The following PEX3 variants were observed in gnomAD, a reference collection of about 807,000 sequenced individuals.
PEX3 encodes the protein peroxin-3.
In PEX3, 30 loss-of-function variants were observed where a neutral mutation model predicts 55.8. That is an observed-to-expected ratio of 0.54 (90% confidence interval 0.40 to 0.73). The LOEUF (loss-of-function observed/expected upper bound fraction) is 0.73. Ranked by LOEUF, PEX3 falls within the 30% of genes least tolerant of loss-of-function variation. The pLI, the probability that PEX3 is intolerant of heterozygous loss-of-function variation, is 0.00. For synonymous variants in PEX3, 135 were observed against 148.4 expected, an observed-to-expected ratio of 0.91 and a Z score of 0.66; for missense variants, 351 against 432.8, an observed-to-expected ratio of 0.81 and a Z score of 1.68.
intron 4 of PEX3, among the ~76,000 whole-genome samples, chr6:143,470,010 T>C (rs1000259802): frequency 1.3e-5 from 2 of 152,072 alleles, no homozygotes; most frequent in African/African-American, 4.8e-5. Flanking sequence ...AGTGCAGTGG[T>C]GCAATCTTGG....
Position 143,462,694 on chromosome 6 carries a change from A to G in PEX3, c.206-222A>G, listed in dbSNP as rs1779938933. Among the ~76,000 whole-genome samples the G allele has an allele frequency of 6.6e-6, 1 of 152,212 alleles. No homozygotes were observed. The highest frequency in any genetic ancestry group is 1.5e-5 in the Non-Finnish European group (1 of 68,022). On this transcript the variant is annotated intron_variant, in intron 2 of 11. Transcript: ENST00000367591. The surrounding 1 kb of genome is among the most constrained non-coding windows in gnomAD (Gnocchi z 4.1). The stretch of plus-strand genomic sequence containing the variant: ...TGTGTACTTGTGTTGCTGTGATCAT[A>G]ATGTTTATATAATTTTGTTAAATTA...
At position 143,485,356 on chromosome 6, in the gene PEX3, A is replaced by C; in HGVS notation, c.1038+108A>C. 2.7e-6 allele frequency: 2 copies of C among 750,642 alleles called. No individual in the cohort carries two copies. Among genetic ancestry groups the C allele is most frequent in the Non-Finnish European group, 4.9e-6 (2 of 411,280 alleles). 46.5% of individuals were successfully genotyped at this position (750,642 alleles called of 1,614,324 possible). ...CTCTGCTGAGAGGTTTTTTCAAAAA[A>C]TCACAGAACTTGGAACTACATGTAG... On this transcript the variant is annotated intron_variant, in intron 11 of 11. Coordinates refer to ENST00000367591, the MANE Select transcript of PEX3 (RefSeq NM_003630.3). This position sits in a 1 kb window ranked among gnomAD's most constrained non-coding sequence, Gnocchi z 5.6.
chr6:143,468,076 G>C, intron 3 of PEX3, 46 bp from the exon 4 acceptor site: 1 of 1,000,074 alleles, frequency 1.0e-6, no homozygotes, highest in Non-Finnish European at 1.5e-6. Flanking sequence ...TTTTCTATTA[G>C]ATTATCTAGA....
At chr6:143,473,502 T>G (rs922376424) in intron 8 of PEX3, among the ~76,000 whole-genome samples, 3 of 152,112 alleles carry the variant, frequency 2.0e-5, no homozygotes, top group Non-Finnish European at 4.4e-5. Flanking sequence ...CAGATCTTAC[T>G]GAACTGAATT....
At chr6:143,461,400 A>G (rs2128745705) in intron 2 of PEX3, among the ~76,000 whole-genome samples, 1 of 152,326 alleles carries the variant, frequency 6.6e-6, no homozygotes, top group South Asian at 2.1e-4. Context: ...AGCTGACTAT[A>G]GGCAATTAAA....
chr6:143,488,330 A>G lies in PEX3; in HGVS notation c.1039-813A>G, dbSNP rs1780345545. On this transcript the variant is annotated intron_variant, in intron 11 of 11. Coordinates refer to ENST00000367591, the MANE Select transcript of PEX3 (RefSeq NM_003630.3). The surrounding 1 kb of genome is among the most constrained non-coding windows in gnomAD (Gnocchi z 4.9). ...TGGACCCCTTCTCAGAACAATATTT[A>G]TAAGTGCATACAATAAAATACATAA... Among the ~76,000 whole-genome samples, 1 of 152,146 alleles carries G rather than the reference A, an allele frequency of 6.6e-6. No individual in the cohort carries two copies.
chr6:143,477,218 C>G (rs1325480016), intron 9 of PEX3, among the ~76,000 whole-genome samples: 2 of 152,066 alleles, frequency 1.3e-5, no homozygotes, highest in Non-Finnish European at 2.9e-5. Flanking sequence ...TTGAGAGATT[C>G]TGAGAAATAG....
At position 143,479,136 on chromosome 6, in the gene PEX3, C is replaced by T. The variant is rs1269033993; in HGVS notation, c.879C>T (p.Asp293=). 2 of 1,595,772 alleles carry T rather than the reference C, an allele frequency of 1.3e-6. No individual in the cohort carries two copies. The highest frequency in any genetic ancestry group is 1.7e-6 in the Non-Finnish European group (2 of 1,163,620). Residue 293 remains aspartate (D), a synonymous_variant, in exon 10 of 12, where the codon GAC becomes GAT. Coordinates refer to ENST00000367591, the MANE Select transcript of PEX3 (RefSeq NM_003630.3). This position sits in a 1 kb window ranked among gnomAD's most constrained non-coding sequence, Gnocchi z 4.6. ...ACCGAGGTTTTAGTAGACTTCTAGA[C>T]AATATGGCTGAGTTCTTTCGACCTA... ...CLNRGFSRLL[D]NMAEFFRPTE...
In PEX3 at chr6:143,485,097, T is replaced by A; in HGVS notation, c.942-55T>A. 1 of 947,916 alleles carries A rather than the reference T, an allele frequency of 1.1e-6. No individual in the cohort carries two copies. 58.7% of individuals were successfully genotyped at this position (947,916 alleles called of 1,614,324 possible). A position where few individuals can be genotyped will look rare whatever the true frequency, so the allele number is the denominator to read the frequency against. ...ATGTATTACTTTTATAATTAAGATG[T>A]TAAAGTCCTGTGGGGTCATTTCAGA... On this transcript the variant is annotated intron_variant, in intron 10 of 11. Coordinates refer to ENST00000367591, the MANE Select transcript of PEX3 (RefSeq NM_003630.3). The surrounding 1 kb of genome is among the most constrained non-coding windows in gnomAD (Gnocchi z 5.6).
In PEX3 at chr6:143,464,517, A is replaced by G. The variant is rs1779966210; in HGVS notation, c.287+1520A>G. On this transcript the variant is annotated intron_variant, in intron 3 of 11. Coordinates refer to ENST00000367591, the MANE Select transcript of PEX3 (RefSeq NM_003630.3). The surrounding 1 kb of genome is among the most constrained non-coding windows in gnomAD (Gnocchi z 5.8). ...AAAAAACCAAAGGATTAATTTTGAT[A>G]GATTATCCTGGACAGCTTTAAAGAA... is the stretch of plus-strand genomic sequence containing the variant. Among the ~76,000 whole-genome samples the G allele has an allele frequency of 6.6e-6, 1 of 152,048 alleles. No individual in the cohort carries two copies. Among genetic ancestry groups the G allele is most frequent in the African/African-American group, 2.4e-5 (1 of 41,452 alleles).
Position 143,451,416 on chromosome 6 carries a change from C to T in PEX3, c.73+301C>T, listed in dbSNP as rs1006473339. Reference sequence around the variant, plus strand: ...AGTTTCTGTTTCAAGGCACCATTCTCTTACAGGAACTTTTTAAAAAAAATT... The same window carrying T: ...AGTTTCTGTTTCAAGGCACCATTCTTTTACAGGAACTTTTTAAAAAAAATT... On this transcript the variant is annotated intron_variant, in intron 1 of 11. Transcript: ENST00000367591. The surrounding 1 kb of genome is among the most constrained non-coding windows in gnomAD (Gnocchi z 4.1). 3.7e-4 allele frequency among the ~76,000 whole-genome samples: 57 copies of T among 152,146 alleles called. No individual in the cohort carries two copies. The highest frequency in any genetic ancestry group is 1.3e-3 in the African/African-American group (54 of 41,428).
chr6:143,463,099 G>C lies in PEX3; in HGVS notation c.287+102G>C, dbSNP rs1779947287. The C allele has an allele frequency of 1.2e-6, 1 of 843,768 alleles. No homozygotes were observed. The highest frequency in any genetic ancestry group is 1.7e-5 in the African/African-American group (1 of 59,058). The allele number at this position is 843,768 out of a possible 1,614,324, so 52.3% of individuals were successfully genotyped here. A position where few individuals can be genotyped will look rare whatever the true frequency, so the allele number is the denominator to read the frequency against. On this transcript the variant is annotated intron_variant, in intron 3 of 11. Coordinates refer to ENST00000367591, the MANE Select transcript of PEX3 (RefSeq NM_003630.3). The surrounding 1 kb of genome is among the most constrained non-coding windows in gnomAD (Gnocchi z 5.7). ...AATCTTTGTTATTTTTCTATCTAAT[G>C]AAAGTTTATATAGGCTCAGTAAGAA... is the stretch of plus-strand genomic sequence containing the variant.
chr6:143,469,076 G>A (rs774836311), intron 4 of PEX3, among the ~76,000 whole-genome samples: 57 of 152,074 alleles, frequency 3.7e-4, no homozygotes, highest in South Asian at 2.1e-4. Context: ...GTCTATCATT[G>A]ATGGACATTT....
rs964225922 is a variant in PEX3 at position 143,453,802 on chromosome 6, T to C, written c.73+2687T>C. On this transcript the variant is annotated intron_variant, in intron 1 of 11. Transcript: ENST00000367591. This position sits in a 1 kb window ranked among gnomAD's most constrained non-coding sequence, Gnocchi z 4.6. ...TACATTGCTCAGACTGGTCTTGAAC[T>C]CCTGGCCTCAAGCAATCGTCCTGCC... Among the ~76,000 whole-genome samples, 1 of 152,132 alleles carries C rather than the reference T, an allele frequency of 6.6e-6. No individual in the cohort carries two copies. Among genetic ancestry groups the C allele is most frequent in the Non-Finnish European group, 1.5e-5 (1 of 68,034 alleles).
At chr6:143,481,411 AG>A (rs1186296602) in intron 10 of PEX3, among the ~76,000 whole-genome samples, 53 of 151,882 alleles carry the variant, frequency 3.5e-4, no homozygotes, top group Non-Finnish European at 4.4e-5. Context: ...TTCATTTTCC[AG>A]GTGAGGAGAC....
intron 10 of PEX3, among the ~76,000 whole-genome samples, chr6:143,480,977 A>G (rs996960039): frequency 3.3e-5 from 5 of 152,126 alleles, no homozygotes; most frequent in African/African-American, 1.2e-4. Flanking sequence ...GTGCTACTGC[A>G]CTTCATCCTG....
rs760414969 is a variant in PEX3 at position 143,466,589 on chromosome 6, G to C, written c.288-1533G>C. 6.6e-5 allele frequency among the ~76,000 whole-genome samples: 10 copies of C among 152,008 alleles called. No individual in the cohort carries two copies. Among genetic ancestry groups the C allele is most frequent in the Non-Finnish European group, 8.8e-5 (6 of 67,932 alleles). ...ATGTATAGGATAAAACATAGTATATGTAGGGGTTGGTACTATCTTCAGTTT... is the reference window on the plus strand; with the variant it reads ...ATGTATAGGATAAAACATAGTATATCTAGGGGTTGGTACTATCTTCAGTTT... On this transcript the variant is annotated intron_variant, in intron 3 of 11. Coordinates refer to ENST00000367591, the MANE Select transcript of PEX3 (RefSeq NM_003630.3). This position sits in a 1 kb window ranked among gnomAD's most constrained non-coding sequence, Gnocchi z 5.4.
chr6:143,471,381 A>G lies in PEX3; in HGVS notation c.457-2A>G. ...ATTGAACTGTATTTCTGTTTTATACAGACAATTCTTGCTCCCCCAGATGTC... is the reference window on the plus strand; with the variant it reads ...ATTGAACTGTATTTCTGTTTTATACGGACAATTCTTGCTCCCCCAGATGTC... On this transcript the variant is annotated splice_acceptor_variant, in intron 5 of 11. Transcript: ENST00000367591. LOFTEE classifies it high-confidence loss of function. This position sits in a 1 kb window ranked among gnomAD's most constrained non-coding sequence, Gnocchi z 5.4. 1 of 1,595,260 alleles carries G rather than the reference A, an allele frequency of 6.3e-7. No homozygotes were observed. Among genetic ancestry groups the G allele is most frequent in the Admixed American group, 1.7e-5 (1 of 60,014 alleles).
At chr6:143,477,088 T>C (rs1353587723) in intron 9 of PEX3, among the ~76,000 whole-genome samples, 4 of 152,254 alleles carry the variant, frequency 2.6e-5, no homozygotes, top group Admixed American at 2.6e-4. Context: ...GAAATAACAT[T>C]AGATGGAGTT....
Sources: allele counts gnomAD v4.1 joint callset (sites outside exome capture counted in the v4.1 genomes callset), GRCh38; gene constraint gnomAD v4.1.1; non-coding constraint Gnocchi (gnomAD v3.1); transcripts MANE v1.5; gene names NCBI Gene and HGNC (gene_info 2026-07-23, HGNC 2026-07-21).